The following ANKS1B variants were observed in gnomAD, a reference collection of about 807,000 sequenced individuals.
ANKS1B encodes the protein ankyrin repeat and sterile alpha motif domain containing 1B.
In ANKS1B, 36 loss-of-function variants were observed where a neutral mutation model predicts 148.3. The observed-to-expected ratio is 0.24, with a 90% CI of 0.19 to 0.32. The LOEUF is 0.32. ANKS1B is among the 10% of genes least tolerant of loss of function. The pLI, the probability that ANKS1B is intolerant of heterozygous loss-of-function variation, is 1.00. For synonymous variants in ANKS1B, 542 were observed against 560.8 expected, an observed-to-expected ratio of 0.97 and a Z score of 0.47; for missense variants, 1,157 against 1,542.6, an observed-to-expected ratio of 0.75 and a Z score of 4.19.
At chr12:98,802,013 A>G (rs1452094237) in intron 20 of ANKS1B, among the ~76,000 whole-genome samples, 3 of 152,210 alleles carry the variant, frequency 2.0e-5, no homozygotes, top group African/African-American at 7.2e-5. Context: ...TCTGATTTAC[A>G]TACTACGCAT....
chr12:99,476,570 G>C (rs2096325738), intron 10 of ANKS1B, among the ~76,000 whole-genome samples: 1 of 152,044 alleles, frequency 6.6e-6, no homozygotes, highest in African/African-American at 2.4e-5. Flanking sequence ...TCAGAGAAAA[G>C]CAAATCTAAA....
intron 8 of ANKS1B, among the ~76,000 whole-genome samples, chr12:99,670,315 A>G (rs2098530902): frequency 6.8e-6 from 1 of 146,506 alleles, no homozygotes; most frequent in Non-Finnish European, 1.5e-5. Context: ...TTCCTAATTC[A>G]TAATAAATAG....
intron 14 of ANKS1B, among the ~76,000 whole-genome samples, chr12:99,238,074 C>T (rs531321421): frequency 4.3e-4 from 65 of 152,322 alleles, no homozygotes; most frequent in Middle Eastern, 3.4e-3. Flanking sequence ...CCACAGAGGG[C>T]GAGCTGAAGC....
chr12:99,245,569 C>G (rs1374435169), intron 13 of ANKS1B, among the ~76,000 whole-genome samples: 2 of 152,138 alleles, frequency 1.3e-5, no homozygotes, highest in African/African-American at 2.4e-5. Flanking sequence ...ACTATCAGAC[C>G]ATATCCATTT....
chr12:99,492,824 A>G (rs980667766), intron 10 of ANKS1B, among the ~76,000 whole-genome samples: 6 of 152,236 alleles, frequency 3.9e-5, no homozygotes, highest in African/African-American at 1.4e-4. Flanking sequence ...ATAGATGCAG[A>G]AAAGGCTTTC....
intron 11 of ANKS1B, among the ~76,000 whole-genome samples, chr12:99,402,718 C>G (rs2094437366): frequency 6.8e-6 from 1 of 146,266 alleles, no homozygotes; most frequent in South Asian, 2.1e-4. Flanking sequence ...TCCAGTCTAT[C>G]ATTGGTGAGC....
At chr12:99,880,729 G>A (rs2092426937) in intron 1 of ANKS1B, among the ~76,000 whole-genome samples, 1 of 152,118 alleles carries the variant, frequency 6.6e-6, no homozygotes, top group Admixed American at 6.5e-5. Flanking sequence ...TTATTACAGG[G>A]AAATGTGTTT....
Position 99,984,445 on chromosome 12 carries a change from T to C in ANKS1B, c.-208A>G. ...AGCTTTTACAATGGGGATCAGACCA[T>C]GTCTTGAAAGAGGGGCTGGCCGAGC... On this transcript the variant is annotated 5_prime_UTR_variant, in exon 1 of 27. The change abolishes an upstream ATG in the 5' untranslated region. Coordinates refer to ENST00000683438, the MANE Select transcript of ANKS1B (RefSeq NM_001352186.2). 6.5e-6 allele frequency: 3 copies of C among 464,092 alleles called. No homozygotes were observed. Among genetic ancestry groups the C allele is most frequent in the East Asian group, 6.4e-5 (2 of 31,218 alleles). 28.7% of individuals were successfully genotyped at this position (464,092 alleles called of 1,614,324 possible).
At chr12:99,133,210 C>A (rs973309204) in intron 15 of ANKS1B, among the ~76,000 whole-genome samples, 3 of 151,910 alleles carry the variant, frequency 2.0e-5, no homozygotes, top group African/African-American at 7.3e-5. Context: ...TGCCACCACG[C>A]CCAGCTATTT....
intron 16 of ANKS1B, among the ~76,000 whole-genome samples, chr12:99,077,901 C>G (rs941683681): frequency 6.6e-6 from 1 of 152,194 alleles, no homozygotes; most frequent in African/African-American, 2.4e-5. Context: ...TAAGACATTT[C>G]TAGAGTGATT....
At chr12:99,160,790 T>C (rs1323701231) in intron 14 of ANKS1B, among the ~76,000 whole-genome samples, 3 of 152,222 alleles carry the variant, frequency 2.0e-5, no homozygotes, top group South Asian at 2.1e-4. Flanking sequence ...ATTTGTTGCA[T>C]AGGGAGTCCT....
chr12:99,966,108 G>A (rs1423785572), intron 1 of ANKS1B, among the ~76,000 whole-genome samples: 2 of 152,202 alleles, frequency 1.3e-5, no homozygotes, highest in South Asian at 4.1e-4. Context: ...ACAACTAAAT[G>A]CAGTACATGA....
At chr12:99,740,726 C>T (rs969332139) in intron 8 of ANKS1B, among the ~76,000 whole-genome samples, 1 of 152,108 alleles carries the variant, frequency 6.6e-6, no homozygotes, top group Admixed American at 6.5e-5. Flanking sequence ...AATGGTTAGA[C>T]AGAGGGTGCA....
At chr12:99,734,416 C>T (rs187044952) in intron 8 of ANKS1B, among the ~76,000 whole-genome samples, 1 of 152,144 alleles carries the variant, frequency 6.6e-6, no homozygotes, top group Admixed American at 6.5e-5. Flanking sequence ...CCTCAGCACC[C>T]CCGAGTAGCT....
At chr12:99,663,520 T>C (rs1212500571) in intron 8 of ANKS1B, among the ~76,000 whole-genome samples, 1 of 152,190 alleles carries the variant, frequency 6.6e-6, no homozygotes, top group Non-Finnish European at 1.5e-5. Flanking sequence ...TTAAGTCTGC[T>C]GAAAAATAAA....
intron 12 of ANKS1B, among the ~76,000 whole-genome samples, chr12:99,387,426 G>T (rs1371891066): frequency 6.6e-6 from 1 of 152,088 alleles, no homozygotes; most frequent in Non-Finnish European, 1.5e-5. Flanking sequence ...GACCATCCTG[G>T]CCAACATGGT....
At chr12:98,896,731 G>T (rs566122389) in intron 17 of ANKS1B, among the ~76,000 whole-genome samples, 1 of 152,198 alleles carries the variant, frequency 6.6e-6, no homozygotes, top group African/African-American at 2.4e-5. Context: ...CTTGATGGAG[G>T]CATGTTTGAC....
At chr12:99,712,007 T>C (rs2056703252) in intron 8 of ANKS1B, among the ~76,000 whole-genome samples, 1 of 152,100 alleles carries the variant, frequency 6.6e-6, no homozygotes, top group African/African-American at 2.4e-5. Context: ...TGGAATACTA[T>C]CCAGTCATAA....
chr12:98,787,514 G>A (rs141041266), intron 22 of ANKS1B, among the ~76,000 whole-genome samples: 1 of 152,266 alleles, frequency 6.6e-6, no homozygotes, highest in African/African-American at 2.4e-5. Flanking sequence ...GTCAAGAATG[G>A]CTAAGTACCA....
Sources: allele counts gnomAD v4.1 joint callset (sites outside exome capture counted in the v4.1 genomes callset), GRCh38; gene constraint gnomAD v4.1.1; transcripts MANE v1.5; gene names NCBI Gene and HGNC (gene_info 2026-07-23, HGNC 2026-07-21).